ARSL: variants seen among roughly 807,000 people sequenced by gnomAD.
ARSL encodes the protein arylsulfatase L.
A neutral mutation model predicts 31.1 loss-of-function variants in ARSL; 4 were observed. That is an observed-to-expected ratio of 0.13 (90% CI 0.06 to 0.29). ARSL has a LOEUF of 0.29. Ranked by LOEUF, ARSL falls within the 10% of genes least tolerant of loss-of-function variation. ARSL has a pLI of 1.00. For missense variants in ARSL, 312 were observed against 497.8 expected, an observed-to-expected ratio of 0.63 and a Z score of 3.55; for synonymous variants, 198 against 209.9, an observed-to-expected ratio of 0.94 and a Z score of 0.49.
At position 2,957,077 on chromosome X, in the gene ARSL, G is replaced by A. The variant is rs187590483; in HGVS notation, c.185+1197C>T. 3.4e-3 allele frequency among the ~76,000 whole-genome samples: 366 copies of A among 107,633 alleles called. 2 individuals are homozygous for A. The highest frequency in any genetic ancestry group is 0.012 in the African/African-American group (355 of 29,601). 93.5% of individuals were successfully genotyped at this position (107,633 alleles called of 115,157 possible). On this transcript the variant is annotated intron_variant, in intron 3 of 10. Transcript: ENST00000381134. ...TCTATTAAAAATACAAAAAATTAGC[G>A]GGGTGTGGTGGTGGGCGCCTGTAGT...
In ARSL at chrX:2,943,126, G is replaced by T. The variant is rs376707494; in HGVS notation, c.1065C>A (p.Gly355=). 29 of 1,210,486 alleles carry T rather than the reference G, an allele frequency of 2.4e-5. No homozygotes were observed. The highest frequency in any genetic ancestry group is 3.0e-5 in the Non-Finnish European group (27 of 894,925). The part of the protein sequence containing the change: ...STLIYFTSDH[G]GSLENQLGNT... ...TTCCAAGTTGATTCTCTAGGGAACCGCCGTGATCCGACGTAAAATAAATGA... is the reference window on the plus strand; with the variant it reads ...TTCCAAGTTGATTCTCTAGGGAACCTCCGTGATCCGACGTAAAATAAATGA... The change falls in exon 8 of 11, where the codon GGC becomes GGA. Residue 355 remains glycine, a synonymous_variant. Coordinates refer to ENST00000381134, the MANE Select transcript of ARSL (RefSeq NM_000047.3).
intron 4 of ARSL, among the ~76,000 whole-genome samples, chrX:2,954,918 G>C (rs1237019974): frequency 1.8e-5 from 2 of 111,681 alleles, no homozygotes; most frequent in African/African-American, 6.5e-5. Flanking sequence ...GACTGGCCAG[G>C]TTGTACAATT....
chrX:2,953,103 A>T, intron 5 of ARSL, 40 bp downstream of exon 5: 1 of 1,195,412 alleles, frequency 8.4e-7, no homozygotes, highest in South Asian at 1.8e-5. Context: ...TCCCTTCCAT[A>T]TAAAAGTCAT....
intron 6 of ARSL, 146 bp from the exon 7 acceptor site, chrX:2,946,280 T>C (rs772876395): frequency 1.1e-5 from 5 of 439,682 alleles, no homozygotes; most frequent in African/African-American, 1.1e-4. Flanking sequence ...CACTCAAAAC[T>C]CTTCTTCAAC....
chrX:2,943,285 G>T (rs764595849), intron 7 of ARSL, 86 bp from the exon 8 acceptor site: 6 of 1,099,436 alleles, frequency 5.5e-6, no homozygotes, highest in South Asian at 1.9e-5. Context: ...GCATTCGGGG[G>T]CTAGCCACAA....
rs2089180172 is a variant in ARSL, at chrX:2,935,180, C to G, written c.1422G>C (p.Met474Ile). The part of the protein sequence containing the change: ...ARWHQRDRGT[M>I]WKVHFVTPVF... Reference sequence around the variant, plus strand: ...CAGGCGTCACAAAGTGGACTTTCCACATTGTTCCTCCTGGTGGAAAGATAA... The same window carrying G: ...CAGGCGTCACAAAGTGGACTTTCCAGATTGTTCCTCCTGGTGGAAAGATAA... Residue 474 changes from methionine to isoleucine, a missense_variant, in exon 11 of 11, where the codon ATG becomes ATC. Coordinates refer to ENST00000381134, the MANE Select transcript of ARSL (RefSeq NM_000047.3). 1 of 1,210,835 alleles carries G rather than the reference C, an allele frequency of 8.3e-7. No homozygotes were observed.
chrX:2,941,086 G>C (rs948900783), intron 8 of ARSL, among the ~76,000 whole-genome samples: 6 of 110,595 alleles, frequency 5.4e-5, no homozygotes, highest in Admixed American at 4.9e-4. Context: ...GCTGTTTCAG[G>C]CCGTGACAGG....
At chrX:2,944,306 T>C (rs1477021496) in intron 7 of ARSL, among the ~76,000 whole-genome samples, 1 of 108,558 alleles carries the variant, frequency 9.2e-6, no homozygotes, top group Non-Finnish European at 1.9e-5. Context: ...GTACAAAAAT[T>C]AGCCAGGCAT....
rs113167493 is a variant in ARSL, at chrX:2,943,666, C to T, written c.992-467G>A. Among the ~76,000 whole-genome samples the T allele has an allele frequency of 7.9e-3, 790 of 99,437 alleles. 7 individuals carry two copies. The highest frequency in any genetic ancestry group is 0.025 in the African/African-American group (678 of 26,940). 86.3% of individuals were successfully genotyped at this position (99,437 alleles called of 115,157 possible). On this transcript the variant is annotated intron_variant, in intron 7 of 10. Transcript: ENST00000381134. The stretch of plus-strand genomic sequence containing the variant: ...CTGAGGCAGGAGAATAGCTTAAACC[C>T]GGGAAGTGGAGATTGCTGTGAGCTG...
At chrX:2,936,951 T>A in intron 9 of ARSL, 88 bp from the exon 10 acceptor site, 1 of 1,128,934 alleles carries the variant, frequency 8.9e-7, no homozygotes, top group East Asian at 3.0e-5. Context: ...CAGCCCCAGG[T>A]GGTGCACTCT....
rs34412194 is a variant in ARSL, at chrX:2,949,610, C to T, written c.548G>A (p.Arg183His). 4.5e-3 allele frequency: 5,419 copies of T among 1,209,010 alleles called. 46 individuals carry two copies. Among genetic ancestry groups the T allele is most frequent in the African/African-American group, 0.04 (2,247 of 56,863 alleles). Residue 183 changes from arginine (R) to histidine (H), a missense_variant, in exon 6 of 11, where the codon CGC becomes CAC. Arg to His is a conservative substitution (Grantham distance 29, BLOSUM62 0). Coordinates refer to ENST00000381134, the MANE Select transcript of ARSL (RefSeq NM_000047.3). ...GACACGCTTCTCTGAGAGTTCCCAG[C>T]GGGCGCAATCACCCATCAAGGAGAA... ...MPFSLMGDCARWELSEKRVNL... is the reference protein window; with the variant it reads ...MPFSLMGDCAHWELSEKRVNL...
At position 2,949,458 on chromosome X, in the gene ARSL, C is replaced by T; in HGVS notation, c.700G>A (p.Ala234Thr). Residue 234 changes from alanine (A) to threonine (T), a missense_variant, in exon 6 of 11, where the codon GCC becomes ACC. Coordinates refer to ENST00000381134, the MANE Select transcript of ARSL (RefSeq NM_000047.3). ...TAGGAGCTTGCGAGGAGGAGGACGGCCGAAAGGGCTGACCAGATGACCGGC... is the reference window on the plus strand; with the variant it reads ...TAGGAGCTTGCGAGGAGGAGGACGGTCGAAAGGGCTGACCAGATGACCGGC... ...WMPVIWSALS[A>T]VLLLASSYFV... 1.7e-6 allele frequency: 2 copies of T among 1,211,150 alleles called. No individual in the cohort carries two copies. The highest frequency in any genetic ancestry group is 2.2e-6 in the Non-Finnish European group (2 of 895,438).
Position 2,952,966 on chromosome X carries a change from TTGAG to T in ARSL, c.430+173_430+176del, listed in dbSNP as rs1319887988. The T allele has an allele frequency of 1.0e-4, 48 of 480,732 alleles. No homozygotes were observed. In the Middle Eastern group the frequency reaches 1.6e-3, roughly 16 times the overall value. The allele number at this position is 480,732 out of a possible 1,213,427, so 39.6% of individuals were successfully genotyped here. The stretch of plus-strand genomic sequence containing the variant: ...GCCACCTTGCCTGAGCTGGTATTTC[TTGAG>T]TATCTACTTTGCAGAAAACAACCTG... On this transcript the variant is annotated intron_variant, in intron 5 of 10. Transcript: ENST00000381134.
upstream of ARSL, among the ~76,000 whole-genome samples, chrX:2,964,884 C>A (rs2089684738): frequency 9.0e-6 from 1 of 110,943 alleles, no homozygotes; most frequent in African/African-American, 3.3e-5. Context: ...GCAGGAAGAT[C>A]GCTTGAGCCC....
chrX:2,961,861 T>G (rs1398971424), intron 1 of ARSL, among the ~76,000 whole-genome samples: 9 of 108,655 alleles, frequency 8.3e-5, no homozygotes, highest in African/African-American at 3.0e-4. Flanking sequence ...TCCCAGGGTT[T>G]TTTTTTTTTT....
chrX:2,960,783 C>T (rs991797170), intron 1 of ARSL, among the ~76,000 whole-genome samples: 1 of 111,313 alleles, frequency 9.0e-6, no homozygotes, highest in Non-Finnish European at 1.9e-5. Flanking sequence ...ATTTTGTCTT[C>T]TGCTTCCCGA....
chrX:2,938,065 G>A, intron 9 of ARSL, 30 bp downstream of exon 9: 1 of 1,210,919 alleles, frequency 8.3e-7, no homozygotes. Flanking sequence ...TCTGTGCAAA[G>A]CTGAATTGTT....
chrX:2,962,875 C>G (rs1401178638), intron 1 of ARSL, among the ~76,000 whole-genome samples: 1 of 111,422 alleles, frequency 9.0e-6, no homozygotes, highest in African/African-American at 3.3e-5. Flanking sequence ...AAAGGCTCAT[C>G]AGAAACTCAA....
In ARSL at chrX:2,941,332, G is replaced by A. The variant is rs1359206104; in HGVS notation, c.1126+1733C>T. The stretch of plus-strand genomic sequence containing the variant: ...TACAGTGGCACAGTCTTGGCTCACT[G>A]CAACCTCCGCCTCCCAGGTTCAACG... On this transcript the variant is annotated intron_variant, in intron 8 of 10. Coordinates refer to ENST00000381134, the MANE Select transcript of ARSL (RefSeq NM_000047.3). Among the ~76,000 whole-genome samples, 3 of 102,242 alleles carry A rather than the reference G, an allele frequency of 2.9e-5. No individual in the cohort carries two copies. In the East Asian group the frequency reaches 9.0e-4, roughly 31 times the overall value. The allele number at this position is 102,242 out of a possible 115,157, so 88.8% of individuals were successfully genotyped here.
Sources: gnomAD v4.1 joint callset for allele counts (sites outside exome capture counted in the v4.1 genomes callset) on GRCh38, gnomAD v4.1.1 for gene constraint, MANE v1.5 for transcripts, NCBI Gene and HGNC (gene_info 2026-07-23, HGNC 2026-07-21) for gene names.